The following LOC128092253 variants were observed in gnomAD, a reference collection of about 807,000 sequenced individuals.
At chr6:133,977,596 G>A in the LOC128092253 span, among the ~76,000 whole-genome samples, 8 of 152,132 alleles carry the variant, frequency 5.3e-5, no homozygotes, top group African/African-American at 1.4e-4. Context: ...TAGTTGATTC[G>A]CATGAAGTTT....
chr6:133,964,369 TA>T, the LOC128092253 span, among the ~76,000 whole-genome samples: 5 of 152,030 alleles, frequency 3.3e-5, no homozygotes. Flanking sequence ...ATGTTTGTTT[TA>T]AGTATATTTT....
chr6:133,969,251 CTTT>C, the LOC128092253 span, among the ~76,000 whole-genome samples: 21 of 122,592 alleles, frequency 1.7e-4, no homozygotes, highest in African/African-American at 4.9e-4. Flanking sequence ...ATAAAATACA[CTTT>C]TTTTTTTTTT....
chr6:133,970,074 G>A, the LOC128092253 span, among the ~76,000 whole-genome samples: 1 of 152,124 alleles, frequency 6.6e-6, no homozygotes, highest in Non-Finnish European at 1.5e-5. Flanking sequence ...TTTTGGACAC[G>A]AATCTTCTGG....
chr6:133,979,616 A>G, the LOC128092253 span, among the ~76,000 whole-genome samples: 1 of 152,168 alleles, frequency 6.6e-6, no homozygotes, highest in East Asian at 1.9e-4. Flanking sequence ...TTTTTTAAAA[A>G]TGACATTTTT....
At chr6:133,963,234 T>G in the LOC128092253 span, among the ~76,000 whole-genome samples, 1 of 152,204 alleles carries the variant, frequency 6.6e-6, no homozygotes, top group Non-Finnish European at 1.5e-5. Context: ...TAAGGATTTA[T>G]GGAGAGGGAA....
At chr6:133,964,758 T>G in the LOC128092253 span, among the ~76,000 whole-genome samples, 1,284 of 152,292 alleles carry the variant, frequency 8.4e-3, 38 homozygotes, top group Admixed American at 0.062. Flanking sequence ...GAACTCTGTT[T>G]TATTTTCCCA....
the LOC128092253 span, among the ~76,000 whole-genome samples, chr6:133,955,676 A>T: frequency 2.0e-5 from 3 of 152,242 alleles, no homozygotes; most frequent in Admixed American, 1.3e-4. Flanking sequence ...AGAATGAAAG[A>T]CGTTAGAAGT....
At chr6:133,970,032 C>A in the LOC128092253 span, among the ~76,000 whole-genome samples, 1 of 152,194 alleles carries the variant, frequency 6.6e-6, no homozygotes, top group Non-Finnish European at 1.5e-5. Flanking sequence ...CCACTCCTAA[C>A]TGTTGGTTAA....
the LOC128092253 span, among the ~76,000 whole-genome samples, chr6:133,955,839 A>C: frequency 1.3e-5 from 2 of 152,216 alleles, no homozygotes; most frequent in African/African-American, 4.8e-5. Context: ...TATTCTGCCA[A>C]ATTTGAGGGA....
chr6:133,971,140 A>G, the LOC128092253 span, among the ~76,000 whole-genome samples: 1 of 151,648 alleles, frequency 6.6e-6, no homozygotes, highest in Non-Finnish European at 1.5e-5. Context: ...TGCTTCGATG[A>G]TAACACTTTT....
chr6:133,972,370 C>G, the LOC128092253 span, among the ~76,000 whole-genome samples: 2 of 152,276 alleles, frequency 1.3e-5, no homozygotes, highest in South Asian at 4.2e-4. Context: ...AATCAAGGAC[C>G]ATGTTATACA....
the LOC128092253 span, among the ~76,000 whole-genome samples, chr6:133,979,733 G>A: frequency 9.4e-4 from 143 of 151,894 alleles, no homozygotes; most frequent in African/African-American, 3.2e-3. Context: ...TGCAACCTCC[G>A]CCTCCCAGGT....
the LOC128092253 span, among the ~76,000 whole-genome samples, chr6:133,957,498 T>C: frequency 6.6e-6 from 1 of 152,254 alleles, no homozygotes. Flanking sequence ...TAAAAAAATT[T>C]GTTTCCATTA....
At chr6:133,979,458 A>G in the LOC128092253 span, among the ~76,000 whole-genome samples, 9 of 152,266 alleles carry the variant, frequency 5.9e-5, no homozygotes, top group South Asian at 1.7e-3. Context: ...GGGATTTGTC[A>G]TTACTGTGGT....
chr6:133,954,309 A>G, the LOC128092253 span, among the ~76,000 whole-genome samples: 1 of 152,260 alleles, frequency 6.6e-6, no homozygotes, highest in South Asian at 2.1e-4. Context: ...TGACTTAAGA[A>G]AAGGGAGCAG....
the LOC128092253 span, among the ~76,000 whole-genome samples, chr6:133,955,403 AT>A: frequency 6.6e-6 from 1 of 151,754 alleles, no homozygotes; most frequent in Non-Finnish European, 1.5e-5. Context: ...ATCAAAAATG[AT>A]TTTTTATGCT....
chr6:133,966,458 A>T, the LOC128092253 span, among the ~76,000 whole-genome samples: 1 of 152,156 alleles, frequency 6.6e-6, no homozygotes, highest in Non-Finnish European at 1.5e-5. Context: ...TTCACCCATG[A>T]TGGTTTTAAT....
At chr6:133,964,246 A>G in the LOC128092253 span, among the ~76,000 whole-genome samples, 3 of 152,092 alleles carry the variant, frequency 2.0e-5, no homozygotes, top group African/African-American at 7.2e-5. Flanking sequence ...CTCTGTGTTT[A>G]TCCTTTTTGA....
chr6:133,974,260 C>G, the LOC128092253 span, among the ~76,000 whole-genome samples: 1 of 152,124 alleles, frequency 6.6e-6, no homozygotes, highest in Admixed American at 6.6e-5. Context: ...TAACTAGTTC[C>G]TTTTCATTGG....
Sources: allele counts gnomAD v4.1 joint callset (sites outside exome capture counted in the v4.1 genomes callset), GRCh38; gene constraint gnomAD v4.1.1; transcripts MANE v1.5.